GNA12: variants seen among roughly 807,000 people sequenced by gnomAD.
The protein encoded by GNA12 is guanine nucleotide-binding protein subunit alpha-12.
GNA12 carries 9 observed loss-of-function variants against 26.0 expected under a neutral mutation model. The ratio of observed to expected loss-of-function variants is 0.35; its 90% confidence interval spans 0.21 to 0.60. The LOEUF is 0.60. Ranked by LOEUF, GNA12 falls within the 20% of genes least tolerant of loss-of-function variation. GNA12 has a pLI of 0.78. For missense variants in GNA12, 405 were observed against 525.8 expected (o/e 0.77, Z 2.25); for synonymous variants, 264 against 219.6 (o/e 1.20, Z -1.79).
chr7:2,805,601 C>T (rs916792266), intron 1 of GNA12, among the ~76,000 whole-genome samples: 1 of 152,326 alleles, frequency 6.6e-6, no homozygotes, highest in Non-Finnish European at 1.5e-5. Context: ...CCTGGGCTGC[C>T]GCCTGCTCTC....
intron 2 of GNA12, among the ~76,000 whole-genome samples, chr7:2,784,095 A>C (rs975221240): frequency 6.6e-6 from 1 of 152,100 alleles, no homozygotes; most frequent in Admixed American, 6.6e-5. Context: ...ATCTCATTTT[A>C]TTTAATTTAA....
chr7:2,755,620 A>C (rs1791255224), intron 2 of GNA12, among the ~76,000 whole-genome samples: 1 of 152,034 alleles, frequency 6.6e-6, no homozygotes, highest in Non-Finnish European at 1.5e-5. Flanking sequence ...TGCTAAACTG[A>C]CTCATTAGTC....
intron 1 of GNA12, among the ~76,000 whole-genome samples, chr7:2,822,778 C>A (rs991518562): frequency 6.6e-6 from 1 of 152,198 alleles, no homozygotes; most frequent in Admixed American, 6.6e-5. Context: ...CCCCACTGCA[C>A]TCCAGCCTGG....
At chr7:2,733,325 G>A in intron 3 of GNA12, 126 bp downstream of exon 3, 1 of 758,118 alleles carries the variant, frequency 1.3e-6, no homozygotes, top group Non-Finnish European at 2.3e-6. Context: ...ACTATTCGTG[G>A]TAATGTGACA....
chr7:2,750,712 G>A (rs566215402), intron 2 of GNA12, among the ~76,000 whole-genome samples: 1 of 152,178 alleles, frequency 6.6e-6, no homozygotes, highest in South Asian at 2.1e-4. Context: ...TATTGGACAG[G>A]CATGTTAACA....
chr7:2,770,471 G>A (rs907490266), intron 2 of GNA12, among the ~76,000 whole-genome samples: 1 of 152,084 alleles, frequency 6.6e-6, no homozygotes, highest in Admixed American at 6.6e-5. Flanking sequence ...TTAAGTTAGA[G>A]TTAGCTAGGC....
In GNA12 at chr7:2,729,401, G is replaced by T. The variant is rs939711299; in HGVS notation, c.*1780C>A. On this transcript the variant is annotated 3_prime_UTR_variant, in exon 4 of 4. Coordinates refer to ENST00000275364, the MANE Select transcript of GNA12 (RefSeq NM_007353.3). ...CGGTCACATCCGTGAGGTCTGTGAA[G>T]AGCCACAGAAGCAGTACAAAAACAG... The T allele has an allele frequency of 6.6e-6, 1 of 152,384 alleles. No homozygotes were observed. 9.4% of individuals were successfully genotyped at this position (152,384 alleles called of 1,614,324 possible). A position where few individuals can be genotyped will look rare whatever the true frequency, so the allele number is the denominator to read the frequency against.
At chr7:2,744,591 A>C (rs899739871) in intron 2 of GNA12, among the ~76,000 whole-genome samples, 2 of 152,346 alleles carry the variant, frequency 1.3e-5, no homozygotes, top group East Asian at 3.9e-4. Flanking sequence ...GAAAAACTGG[A>C]AACTCTAAAA....
chr7:2,780,462 T>C (rs1298439022), intron 2 of GNA12, among the ~76,000 whole-genome samples: 5 of 152,136 alleles, frequency 3.3e-5, no homozygotes, highest in Non-Finnish European at 7.4e-5. Flanking sequence ...GGTCAACAAA[T>C]GGACTGCAAC....
At chr7:2,800,950 C>CAAAGG (rs1792794889) in intron 1 of GNA12, among the ~76,000 whole-genome samples, 1 of 152,152 alleles carries the variant, frequency 6.6e-6, no homozygotes, top group Non-Finnish European at 1.5e-5. Flanking sequence ...CCCAAGGAAA[C>CAAAGG]AAAGGCAATT....
chr7:2,780,059 T>C (rs1394679130), intron 2 of GNA12, among the ~76,000 whole-genome samples: 2 of 56,348 alleles, frequency 3.5e-5, no homozygotes, highest in Non-Finnish European at 8.0e-5. Context: ...TACATATATA[T>C]ATATATATAT....
intron 1 of GNA12, among the ~76,000 whole-genome samples, chr7:2,815,551 G>A (rs556951944): frequency 2.6e-5 from 4 of 152,164 alleles, no homozygotes; most frequent in Non-Finnish European, 5.9e-5. Context: ...GGACAACCAG[G>A]GACCACCCTG....
At chr7:2,842,758 C>T (rs1333449879) in intron 1 of GNA12, among the ~76,000 whole-genome samples, 1 of 152,178 alleles carries the variant, frequency 6.6e-6, no homozygotes, top group African/African-American at 2.4e-5. Context: ...TGAGCTATTA[C>T]TAATGTTTAG....
chr7:2,790,330 T>A (rs1451437469), intron 2 of GNA12, among the ~76,000 whole-genome samples: 1 of 152,232 alleles, frequency 6.6e-6, no homozygotes, highest in East Asian at 1.9e-4. Flanking sequence ...CAGCTCACTG[T>A]AGCCTGGAAC....
intron 2 of GNA12, among the ~76,000 whole-genome samples, chr7:2,782,039 T>A (rs1792242144): frequency 2.0e-5 from 3 of 152,138 alleles, no homozygotes; most frequent in Admixed American, 2.0e-4. Flanking sequence ...TCAACAAGAA[T>A]GCCATTAAAT....
At chr7:2,843,228 G>A (rs1362102137) in intron 1 of GNA12, among the ~76,000 whole-genome samples, 2 of 152,178 alleles carry the variant, frequency 1.3e-5, no homozygotes, top group Admixed American at 1.3e-4. Flanking sequence ...CTTCCAGTGG[G>A]AAATGGACAG....
rs555410397 is a variant in GNA12, at chr7:2,809,729, A to T, written c.310-14586T>A. 3.3e-5 allele frequency among the ~76,000 whole-genome samples: 5 copies of T among 152,322 alleles called. No homozygotes were observed. The South Asian group carries it at 1.0e-3, about 32-fold the overall frequency. On this transcript the variant is annotated intron_variant, in intron 1 of 3. Coordinates refer to ENST00000275364, the MANE Select transcript of GNA12 (RefSeq NM_007353.3). ...ACAGCTTACTTTACTGTGGTGGATA[A>T]ATTAAAACTGCAAGTGACTGATAGC...
chr7:2,821,481 A>G lies in GNA12; in HGVS notation c.309+22372T>C, dbSNP rs181979835. On this transcript the variant is annotated intron_variant, in intron 1 of 3. Transcript: ENST00000275364. ...AGAAGAATGAATACAGAACTGCTTT[A>G]ATCATCCACTCAGGAAACTCCCCAA... Among the ~76,000 whole-genome samples, 5 of 152,322 alleles carry G rather than the reference A, an allele frequency of 3.3e-5. No individual in the cohort carries two copies. The East Asian group carries it at 9.6e-4, about 29-fold the overall frequency.
At chr7:2,740,639 T>C (rs998991821) in intron 2 of GNA12, among the ~76,000 whole-genome samples, 1 of 152,188 alleles carries the variant, frequency 6.6e-6, no homozygotes, top group Non-Finnish European at 1.5e-5. Context: ...GATGGTGAAA[T>C]GTAAACAACA....
Sources: gnomAD v4.1 joint callset for allele counts (sites outside exome capture counted in the v4.1 genomes callset) on GRCh38, gnomAD v4.1.1 for gene constraint, MANE v1.5 for transcripts, NCBI Gene and HGNC (gene_info 2026-07-23, HGNC 2026-07-21) for gene names.